Variants in CTNNBL1 observed in about 807,000 individuals in gnomAD.
The protein encoded by CTNNBL1 is beta-catenin-like protein 1.
CTNNBL1 carries 31 observed loss-of-function variants against 72.7 expected under a neutral mutation model. The ratio of observed to expected loss-of-function variants is 0.43; its 90% CI spans 0.32 to 0.58. The LOEUF (loss-of-function observed/expected upper bound fraction) is 0.58. CTNNBL1 is among the 20% of genes least tolerant of loss of function. The pLI, the probability that CTNNBL1 is intolerant of heterozygous loss-of-function variation, is 0.08. For missense variants in CTNNBL1, 534 were observed against 725.1 expected, an observed-to-expected ratio of 0.74 and a Z score of 3.03; for synonymous variants, 240 against 267.3, an observed-to-expected ratio of 0.90 and a Z score of 1.00.
rs143390256 is a variant in CTNNBL1, at chr20:37,814,513, C to T, written c.1213+11465C>T. 1.5e-3 allele frequency among the ~76,000 whole-genome samples: 227 copies of T among 152,286 alleles called. 3 individuals carry two copies. The highest frequency in any genetic ancestry group is 5.2e-3 in the African/African-American group (218 of 41,542). On this transcript the variant is annotated intron_variant, in intron 11 of 15. Transcript: ENST00000361383. The stretch of plus-strand genomic sequence containing the variant: ...CCTACATGGTTACCTTGCAAAGTTA[C>T]GTGCCTTTAGGTAAACACTTCCCTT...
intron 11 of CTNNBL1, chr20:37,832,110 T>G (rs560093265): frequency 6.6e-6 from 1 of 152,358 alleles, no homozygotes; most frequent in South Asian, 2.1e-4. Flanking sequence ...GCACTTTATT[T>G]TAATTTATTG....
At chr20:37,813,271 C>G (rs1262433351) in intron 11 of CTNNBL1, among the ~76,000 whole-genome samples, 1 of 152,150 alleles carries the variant, frequency 6.6e-6, no homozygotes, top group Non-Finnish European at 1.5e-5. Flanking sequence ...CTGGAAGGAC[C>G]TGTAGAGCTG....
intron 13 of CTNNBL1, 43 bp from the exon 14 acceptor site, chr20:37,859,856 T>G: frequency 1.9e-6 from 3 of 1,604,056 alleles, no homozygotes; most frequent in Non-Finnish European, 2.6e-6. Flanking sequence ...TTTCCTCCCA[T>G]TCACTGTCCA....
chr20:37,746,954 G>A (rs1025513587), intron 4 of CTNNBL1, among the ~76,000 whole-genome samples: 9 of 152,266 alleles, frequency 5.9e-5, no homozygotes, highest in African/African-American at 2.2e-4. Context: ...ATTTGAATGT[G>A]TAAATCTAGG....
intron 1 of CTNNBL1, among the ~76,000 whole-genome samples, chr20:37,718,473 A>C (rs1330280056): frequency 4.8e-5 from 5 of 103,528 alleles, no homozygotes; most frequent in Admixed American, 2.0e-4. Flanking sequence ...TGACCCCCCC[A>C]CCTCCCTCCC....
intron 1 of CTNNBL1, among the ~76,000 whole-genome samples, chr20:37,712,877 A>G (rs1248386921): frequency 6.6e-6 from 1 of 152,248 alleles, no homozygotes; most frequent in Non-Finnish European, 1.5e-5. Context: ...GTTGGTGGGC[A>G]CCACCCTAAT....
intron 11 of CTNNBL1, 107 bp downstream of exon 11, chr20:37,803,155 G>C (rs1458411715): frequency 2.1e-6 from 2 of 939,764 alleles, no homozygotes; most frequent in Non-Finnish European, 3.1e-6. Flanking sequence ...GAGGGGAAGA[G>C]TGCTACCTTT....
intron 1 of CTNNBL1, chr20:37,727,435 C>A (rs2073094526): frequency 2.6e-6 from 2 of 765,186 alleles, no homozygotes; most frequent in Non-Finnish European, 3.2e-6. Context: ...AGAAAGGCTA[C>A]CAGCTGTGTG....
At chr20:37,821,405 A>G (rs767230923) in intron 11 of CTNNBL1, among the ~76,000 whole-genome samples, 113 of 152,184 alleles carry the variant, frequency 7.4e-4, no homozygotes, top group Admixed American at 3.9e-3. Context: ...GAAAAAATAA[A>G]TCTTTTTATT....
intron 1 of CTNNBL1, among the ~76,000 whole-genome samples, chr20:37,716,498 A>G (rs1007608951): frequency 3.9e-5 from 6 of 152,192 alleles, no homozygotes; most frequent in African/African-American, 4.8e-5. Context: ...CTCATTCACC[A>G]TCCTTGTCTT....
rs2073263819 is a variant in CTNNBL1 at position 37,746,481 on chromosome 20, G to A, written c.340G>A (p.Glu114Lys). The A allele has an allele frequency of 1.9e-6, 3 of 1,613,420 alleles. No individual in the cohort carries two copies. Among genetic ancestry groups the A allele is most frequent in the African/African-American group, 1.3e-5 (1 of 74,898 alleles). ...TTTCCCTCCTAGGTTCATGGAATCC[G>A]AGCTGGACCTAAATGACATCATTCA... is the stretch of plus-strand genomic sequence containing the variant. ...PDNPEKFMES[E>K]LDLNDIIQEM... Residue 114 changes from glutamate to lysine, a missense_variant, in exon 4 of 16, where the codon GAG (glutamate) becomes AAG (lysine). Transcript: ENST00000361383.
intron 1 of CTNNBL1, among the ~76,000 whole-genome samples, chr20:37,708,189 CTTT>C (rs760708336): frequency 2.1e-5 from 3 of 142,916 alleles, no homozygotes; most frequent in Non-Finnish European, 1.5e-5. Flanking sequence ...GATAGACTTT[CTTT>C]TTTTTTTTTT....
At chr20:37,743,042 G>A (rs1270221435) in intron 3 of CTNNBL1, among the ~76,000 whole-genome samples, 1 of 152,036 alleles carries the variant, frequency 6.6e-6, no homozygotes, top group Non-Finnish European at 1.5e-5. Context: ...GACCTCAAGT[G>A]ACCCGCCCAC....
chr20:37,869,540 C>T (rs938919982), intron 15 of CTNNBL1, among the ~76,000 whole-genome samples: 6 of 152,234 alleles, frequency 3.9e-5, no homozygotes, highest in Admixed American at 6.5e-5. Context: ...AAGGCGAAAG[C>T]CCCTGCCTTC....
intron 11 of CTNNBL1, among the ~76,000 whole-genome samples, chr20:37,833,534 G>C (rs188773727): frequency 3.3e-5 from 5 of 152,254 alleles, no homozygotes; most frequent in Admixed American, 6.5e-5. Flanking sequence ...ATGTAGATTT[G>C]CCTGGCCTTC....
chr20:37,783,463 T>G (rs896745355), intron 10 of CTNNBL1, among the ~76,000 whole-genome samples: 2 of 152,192 alleles, frequency 1.3e-5, no homozygotes, highest in Admixed American at 6.5e-5. Flanking sequence ...GGTTGTGTAT[T>G]TGAAGTTTTT....
At chr20:37,855,955 G>A (rs770376487) in intron 13 of CTNNBL1, among the ~76,000 whole-genome samples, 6 of 151,924 alleles carry the variant, frequency 3.9e-5, no homozygotes, top group African/African-American at 7.3e-5. Context: ...GCCTACTAAG[G>A]GCTGGGCACA....
intron 13 of CTNNBL1, among the ~76,000 whole-genome samples, chr20:37,852,777 C>T (rs1238431979): frequency 6.6e-6 from 1 of 152,142 alleles, no homozygotes; most frequent in Non-Finnish European, 1.5e-5. Flanking sequence ...ATACTCTGTA[C>T]TCACTGCAGT....
intron 13 of CTNNBL1, among the ~76,000 whole-genome samples, chr20:37,846,016 T>C (rs568062475): frequency 1.3e-5 from 2 of 152,340 alleles, no homozygotes; most frequent in East Asian, 3.9e-4. Context: ...TCTAGTCATT[T>C]GGCAAATGTT....
Sources: allele counts gnomAD v4.1 joint callset (sites outside exome capture counted in the v4.1 genomes callset), GRCh38; gene constraint gnomAD v4.1.1; transcripts MANE v1.5; gene names NCBI Gene and HGNC (gene_info 2026-07-23, HGNC 2026-07-21).